The following BPGM variants were observed in gnomAD, a reference collection of about 807,000 sequenced individuals.
BPGM encodes the protein bisphosphoglycerate mutase.
BPGM carries 15 observed loss-of-function variants against 21.6 expected under a neutral mutation model. That is an observed-to-expected ratio of 0.70 (90% CI 0.47 to 1.07). The LOEUF (loss-of-function observed/expected upper bound fraction) is 1.07. Among genes scored for constraint, BPGM ranks in the 50% least tolerant of loss-of-function variants. The pLI is 0.00. For synonymous variants in BPGM, 113 were observed against 116.2 expected (o/e 0.97, Z 0.18); for missense variants, 273 against 319.0 (o/e 0.86, Z 1.10).
At chr7:134,678,335 G>C (rs1032858391) in intron 2 of BPGM, among the ~76,000 whole-genome samples, 3 of 152,200 alleles carry the variant, frequency 2.0e-5, no homozygotes, top group Non-Finnish European at 4.4e-5. Flanking sequence ...ACCTGGGAAA[G>C]CATTCCTGTT....
chr7:134,652,257 AGT>A (rs1795567333), intron 1 of BPGM, among the ~76,000 whole-genome samples: 1 of 152,204 alleles, frequency 6.6e-6, no homozygotes, highest in Non-Finnish European at 1.5e-5. Context: ...AGTAGATCTA[AGT>A]GTGGGATCCA....
chr7:134,676,012 A>G (rs1295050953), intron 2 of BPGM, among the ~76,000 whole-genome samples: 1 of 152,172 alleles, frequency 6.6e-6, no homozygotes. Context: ...GCTTATTGCT[A>G]CTGTATTAAA....
At chr7:134,650,066 G>A (rs2131412014) in intron 1 of BPGM, among the ~76,000 whole-genome samples, 1 of 152,338 alleles carries the variant, frequency 6.6e-6, no homozygotes, top group South Asian at 2.1e-4. Flanking sequence ...TATGGAACCT[G>A]AGGTTCAAAG....
intron 1 of BPGM, among the ~76,000 whole-genome samples, chr7:134,648,266 G>C (rs950604048): frequency 6.6e-6 from 1 of 151,612 alleles, no homozygotes; most frequent in South Asian, 2.1e-4. Flanking sequence ...CTCCCGAGTA[G>C]CTGGGATTAC....
rs988226156 is a variant in BPGM, at chr7:134,646,917, C to G, written c.-82C>G. The G allele has an allele frequency of 1.6e-5, 3 of 190,352 alleles. No homozygotes were observed. Among genetic ancestry groups the G allele is most frequent in the South Asian group, 7.0e-5 (1 of 14,222 alleles). 11.8% of individuals were successfully genotyped at this position (190,352 alleles called of 1,614,324 possible). On this transcript the variant is annotated 5_prime_UTR_variant, in exon 1 of 3. Coordinates refer to ENST00000344924, the MANE Select transcript of BPGM (RefSeq NM_001724.5). ...GGAGCGGCTGCTGCTGCTGCTGCTG[C>G]TGCTGGTGGCCCCTTTGCAGGTGAG... is the stretch of plus-strand genomic sequence containing the variant.
intron 1 of BPGM, chr7:134,658,701 G>A (rs73724818): frequency 0.12 from 18,817 of 152,222 alleles, 1,300 homozygotes; most frequent in Middle Eastern, 0.21. Flanking sequence ...GGAAAAGTCC[G>A]TTGATAGTAC....
At chr7:134,662,369 A>G (rs992450509) in intron 2 of BPGM, among the ~76,000 whole-genome samples, 9 of 152,184 alleles carry the variant, frequency 5.9e-5, no homozygotes, top group African/African-American at 2.2e-4. Flanking sequence ...TGTGGGTCCC[A>G]CCCTCAGAGT....
chr7:134,649,639 A>G (rs2347685), intron 1 of BPGM, among the ~76,000 whole-genome samples: 110,998 of 152,158 alleles, frequency 0.73, 42,041 homozygotes, highest in East Asian at 0.96. Flanking sequence ...GCTGAAACTT[A>G]GCCACAAATA....
intron 1 of BPGM, among the ~76,000 whole-genome samples, chr7:134,652,117 AAAC>A (rs1166896519): frequency 1.3e-5 from 2 of 152,232 alleles, no homozygotes; most frequent in African/African-American, 4.8e-5. Flanking sequence ...TGAGGAATAA[AAAC>A]AATTATGAAT....
chr7:134,655,375 G>A (rs1397290565), intron 1 of BPGM, among the ~76,000 whole-genome samples: 1 of 152,060 alleles, frequency 6.6e-6, no homozygotes. Flanking sequence ...GGGTTTGGAA[G>A]GACAAGTTGG....
chr7:134,666,598 G>C lies in BPGM; in HGVS notation c.601+4490G>C, dbSNP rs565215383. Among the ~76,000 whole-genome samples the C allele has an allele frequency of 4.7e-4, 71 of 152,336 alleles. No individual in the cohort carries two copies. The South Asian group carries it at 0.014, about 31-fold the overall frequency. On this transcript the variant is annotated intron_variant, in intron 2 of 2. Transcript: ENST00000344924. ...CACCCATTCTGGATATGATGACTTT[G>C]TTCCTTTTTGGCCTATAGTACCTCC...
intron 2 of BPGM, among the ~76,000 whole-genome samples, chr7:134,664,955 A>G (rs1269809383): frequency 6.6e-6 from 1 of 152,184 alleles, no homozygotes; most frequent in Admixed American, 6.6e-5. Context: ...AAGATTTTGC[A>G]AGTGATTTGC....
At position 134,679,197 on chromosome 7, in the gene BPGM, A is replaced by G. The variant is rs1466357127; in HGVS notation, c.*166A>G. The G allele has an allele frequency of 2.7e-6, 2 of 745,390 alleles. No homozygotes were observed. Among genetic ancestry groups the G allele is most frequent in the Non-Finnish European group, 4.3e-6 (2 of 460,828 alleles). 46.2% of individuals were successfully genotyped at this position (745,390 alleles called of 1,614,324 possible). A position where few individuals can be genotyped will look rare whatever the true frequency, so the allele number is the denominator to read the frequency against. ...ATTGTGGCCCAGATAAGGCTTTAGGATGCCTCAGTGCTTATGTCATAGCCT... is the reference window on the plus strand; with the variant it reads ...ATTGTGGCCCAGATAAGGCTTTAGGGTGCCTCAGTGCTTATGTCATAGCCT... On this transcript the variant is annotated 3_prime_UTR_variant, in exon 3 of 3. Transcript: ENST00000344924.
At chr7:134,657,471 A>G (rs1274574019) in intron 1 of BPGM, among the ~76,000 whole-genome samples, 1 of 152,222 alleles carries the variant, frequency 6.6e-6, no homozygotes, top group Non-Finnish European at 1.5e-5. Flanking sequence ...GTTAGTTTGC[A>G]GTTAATAAAT....
chr7:134,665,171 T>TG (rs553213026), intron 2 of BPGM, among the ~76,000 whole-genome samples: 1 of 151,930 alleles, frequency 6.6e-6, no homozygotes, highest in South Asian at 2.1e-4. Flanking sequence ...TAGAAAACAG[T>TG]GGGGGGTGGC....
At position 134,646,935 on chromosome 7, in the gene BPGM, C is replaced by T; in HGVS notation, c.-64C>T. The T allele has an allele frequency of 1.1e-5, 2 of 183,272 alleles. No homozygotes were observed. The highest frequency in any genetic ancestry group is 5.9e-5 in the Admixed American group (1 of 16,832). 11.4% of individuals were successfully genotyped at this position (183,272 alleles called of 1,614,324 possible). ...GCTGCTGCTGCTGGTGGCCCCTTTGCAGGTGAGTGGCTTTGTTTTAGAAAA... is the reference window on the plus strand; with the variant it reads ...GCTGCTGCTGCTGGTGGCCCCTTTGTAGGTGAGTGGCTTTGTTTTAGAAAA... On this transcript the variant is annotated splice_region_variant and 5_prime_UTR_variant, in exon 1 of 3. An upstream open reading frame in the 5' UTR gains an earlier in-frame stop. Transcript: ENST00000344924.
chr7:134,652,283 C>T (rs1048531006), intron 1 of BPGM, among the ~76,000 whole-genome samples: 1 of 152,094 alleles, frequency 6.6e-6, no homozygotes, highest in African/African-American at 2.4e-5. Context: ...AGGCCAATAT[C>T]GGCATATTGA....
intron 1 of BPGM, among the ~76,000 whole-genome samples, chr7:134,658,874 T>C (rs1011941560): frequency 3.4e-5 from 5 of 147,134 alleles, no homozygotes. Context: ...TCCTCTGTTC[T>C]GGTGTGTGTG....
rs952905092 is a variant in BPGM at position 134,646,877 on chromosome 7, C to G, written c.-122C>G. Reference sequence around the variant, plus strand: ...TGATGAGTCCTAGGAGGCGCTGGCTCTTTGGCGGCTCGGAGGAGCGGCTGC... The same window carrying G: ...TGATGAGTCCTAGGAGGCGCTGGCTGTTTGGCGGCTCGGAGGAGCGGCTGC... On this transcript the variant is annotated 5_prime_UTR_variant, in exon 1 of 3. Coordinates refer to ENST00000344924, the MANE Select transcript of BPGM (RefSeq NM_001724.5). The G allele has an allele frequency of 6.4e-5, 12 of 186,834 alleles. No individual in the cohort carries two copies. Among genetic ancestry groups the G allele is most frequent in the African/African-American group, 2.4e-4 (10 of 41,880 alleles). 11.6% of individuals were successfully genotyped at this position (186,834 alleles called of 1,614,324 possible). A position where few individuals can be genotyped will look rare whatever the true frequency, so the allele number is the denominator to read the frequency against.
Sources: gnomAD v4.1 joint callset for allele counts (sites outside exome capture counted in the v4.1 genomes callset) on GRCh38, gnomAD v4.1.1 for gene constraint, MANE v1.5 for transcripts, NCBI Gene and HGNC (gene_info 2026-07-23, HGNC 2026-07-21) for gene names.